Variants in SIRT2 observed in about 807,000 individuals in gnomAD.
The protein encoded by SIRT2 is sirtuin 2, also known as NAD-dependent protein deacetylase sirtuin-2.
Under a neutral mutation model 57.4 loss-of-function variants are expected in SIRT2, and 40 were observed. The ratio of observed to expected loss-of-function variants is 0.70; its 90% CI spans 0.54 to 0.91. The LOEUF is 0.91. SIRT2 is among the 40% of genes least tolerant of loss of function. SIRT2 has a pLI of 0.00. For synonymous variants in SIRT2, 161 were observed against 195.7 expected, an observed-to-expected ratio of 0.82 and a Z score of 1.48; for missense variants, 439 against 510.4, an observed-to-expected ratio of 0.86 and a Z score of 1.35.
intron 8 of SIRT2, among the ~76,000 whole-genome samples, chr19:38,886,450 T>C (rs1973341128): frequency 6.9e-6 from 1 of 144,200 alleles, no homozygotes; most frequent in African/African-American, 2.8e-5. Context: ...TTTGACAACA[T>C]GGTTTTTTTT....
intron 1 of SIRT2, chr19:38,898,844 G>C (rs771502180): frequency 6.0e-6 from 1 of 165,676 alleles, no homozygotes; most frequent in African/African-American, 2.4e-5. Flanking sequence ...TGTCACCCAG[G>C]TTGGAGTGCA....
rs1381631558 is a variant in SIRT2, at chr19:38,880,436, T to A, written c.876+249A>T. The A allele has an allele frequency of 3.0e-5, 10 of 330,624 alleles. No individual in the cohort carries two copies. Among genetic ancestry groups the A allele is most frequent in the East Asian group, 9.6e-5 (2 of 20,870 alleles). The allele number at this position is 330,624 out of a possible 1,614,324, so 20.5% of individuals were successfully genotyped here. A position where few individuals can be genotyped will look rare whatever the true frequency, so the allele number is the denominator to read the frequency against. ...CCTGACCCCTGCACCCCCTCCCACC[T>A]CCTCAGTCCCTGGAAGCCCGGCCTT... On this transcript the variant is annotated intron_variant, in intron 13 of 15. Transcript: ENST00000249396. This position sits in a 1 kb window ranked among gnomAD's most constrained non-coding sequence, Gnocchi z 4.1.
At chr19:38,879,808 G>GT (rs972545122) in intron 13 of SIRT2, 106 bp from the exon 14 acceptor site, 11,815 of 626,480 alleles carry the variant, frequency 0.019, no homozygotes, top group South Asian at 0.028. Flanking sequence ...CTGTGACTTT[G>GT]TTTTTTTTTT....
chr19:38,891,191 G>C (rs7251489), intron 4 of SIRT2, among the ~76,000 whole-genome samples: 2 of 152,104 alleles, frequency 1.3e-5, no homozygotes. Context: ...CAAATAATAG[G>C]GCACTTGTAA....
At chr19:38,899,274 G>A (rs1404735208) in intron 1 of SIRT2, among the ~76,000 whole-genome samples, 2 of 152,108 alleles carry the variant, frequency 1.3e-5, no homozygotes, top group African/African-American at 4.8e-5. Flanking sequence ...CGAGAAACAC[G>A]CGATCATTGG....
Position 38,890,083 on chromosome 19 carries a change from G to T in SIRT2, c.268+20C>A, listed in dbSNP as rs1241215604. On this transcript the variant is annotated intron_variant, in intron 5 of 15. Transcript: ENST00000249396. ...TCCCCAGTTCCTGGGGGTAGCTGCT[G>T]GGGGAGAAGGGTTACTTACATGTGG... 8.1e-6 allele frequency: 13 copies of T among 1,613,986 alleles called. No individual in the cohort carries two copies. The highest frequency in any genetic ancestry group is 1.3e-5 in the African/African-American group (1 of 74,934).
chr19:38,883,225 C>T (rs1049250014), intron 9 of SIRT2, among the ~76,000 whole-genome samples: 25 of 151,618 alleles, frequency 1.6e-4, no homozygotes, highest in African/African-American at 4.6e-4. Context: ...GGATTACAGG[C>T]GCATGCCACC....
At chr19:38,889,826 C>A in intron 6 of SIRT2, 29 bp downstream of exon 6, 1 of 1,613,256 alleles carries the variant, frequency 6.2e-7, no homozygotes, top group Middle Eastern at 1.7e-4. Flanking sequence ...CCACCCCTCA[C>A]AGACGCCCCT....
At chr19:38,893,722 C>T (rs1020405401) in intron 3 of SIRT2, 97 bp downstream of exon 3, 3 of 1,468,064 alleles carry the variant, frequency 2.0e-6, no homozygotes, top group Non-Finnish European at 2.8e-6. Context: ...TTGGATGTCA[C>T]TCCTGATGGA....
intron 8 of SIRT2, among the ~76,000 whole-genome samples, chr19:38,885,590 C>CT (rs1307608798): frequency 9.6e-5 from 11 of 114,574 alleles, no homozygotes; most frequent in Non-Finnish European, 1.5e-4. Flanking sequence ...CCATGCGTGG[C>CT]TATTTTTTTT....
At chr19:38,893,613 G>A (rs1172838067) in intron 3 of SIRT2, 86 bp from the exon 4 acceptor site, 1 of 1,213,152 alleles carries the variant, frequency 8.2e-7, no homozygotes, top group East Asian at 2.4e-5. Context: ...CAGCCCTGGG[G>A]TTCCCGGCCT....
rs1037998278 is a variant in SIRT2 at position 38,893,427 on chromosome 19, C to A, written c.213G>T (p.Met71Ile). ...CAGGGGACTCACAGCGTTCGCTCTG[C>A]ATGTACCGGGCCACCCCTTCCAAGG... Reference protein sequence around the residue: ...ELTLEGVARYMQSERCRRVIC... With the variant: ...ELTLEGVARYIQSERCRRVIC... Residue 71 changes from methionine to isoleucine, a missense_variant, in exon 4 of 16, where the codon ATG becomes ATT. Coordinates refer to ENST00000249396, the MANE Select transcript of SIRT2 (RefSeq NM_012237.4). 6.2e-7 allele frequency: 1 copy of A among 1,612,180 alleles called. No homozygotes were observed. Among genetic ancestry groups the A allele is most frequent in the Non-Finnish European group, 8.5e-7 (1 of 1,178,328 alleles).
At chr19:38,879,985 C>T (rs1182644601) in intron 13 of SIRT2, 6 of 416,518 alleles carry the variant, frequency 1.4e-5, no homozygotes, top group South Asian at 3.3e-5. Context: ...AGCACCATGC[C>T]CGGCTAATTT....
At chr19:38,895,372 A>G (rs1435253638) in intron 2 of SIRT2, among the ~76,000 whole-genome samples, 2 of 152,050 alleles carry the variant, frequency 1.3e-5, no homozygotes, top group African/African-American at 4.8e-5. Context: ...GGATGTCCAC[A>G]AGGGCAGGGA....
At chr19:38,893,949 A>G (rs1239276586) in intron 2 of SIRT2, 82 bp from the exon 3 acceptor site, 1 of 1,598,304 alleles carries the variant, frequency 6.3e-7, no homozygotes. Flanking sequence ...GGTTTGGGGA[A>G]AAGGCTGTGG....
At chr19:38,897,950 C>A (rs771192145) in intron 2 of SIRT2, among the ~76,000 whole-genome samples, 1 of 152,318 alleles carries the variant, frequency 6.6e-6, no homozygotes, top group South Asian at 2.1e-4. Context: ...GCGATCCTCG[C>A]GCCTCAGTCT....
At chr19:38,887,642 C>A (rs1477673454) in intron 8 of SIRT2, among the ~76,000 whole-genome samples, 1 of 152,238 alleles carries the variant, frequency 6.6e-6, no homozygotes, top group Non-Finnish European at 1.5e-5. Context: ...GAACTTAAAG[C>A]CAGTTGTTCC....
In SIRT2 at chr19:38,880,567, A is replaced by C. The variant is rs985292281; in HGVS notation, c.876+118T>G. The C allele has an allele frequency of 4.4e-6, 3 of 682,402 alleles. No individual in the cohort carries two copies. Among genetic ancestry groups the C allele is most frequent in the Non-Finnish European group, 7.5e-6 (3 of 397,394 alleles). 42.3% of individuals were successfully genotyped at this position (682,402 alleles called of 1,614,324 possible). On this transcript the variant is annotated intron_variant, in intron 13 of 15. Transcript: ENST00000249396. This position sits in a 1 kb window ranked among gnomAD's most constrained non-coding sequence, Gnocchi z 4.1. ...CGACCCCTCTGGATTCTAGAGCCCC[A>C]GGTTCTGAGCTGAGGAATGCAAAGT...
chr19:38,881,894 C>T (rs112608637), intron 9 of SIRT2, among the ~76,000 whole-genome samples: 2 of 151,948 alleles, frequency 1.3e-5, no homozygotes, highest in African/African-American at 4.8e-5. Context: ...CGCCATGTTG[C>T]CCAGGCTGGT....
Sources: allele counts gnomAD v4.1 joint callset (sites outside exome capture counted in the v4.1 genomes callset), GRCh38; gene constraint gnomAD v4.1.1; non-coding constraint Gnocchi (gnomAD v3.1); transcripts MANE v1.5; gene names NCBI Gene and HGNC (gene_info 2026-07-23, HGNC 2026-07-21).